Variants in PDPR observed in about 807,000 individuals in gnomAD.
PDPR encodes the protein pyruvate dehydrogenase phosphatase regulatory subunit, mitochondrial.
PDPR carries 50 observed loss-of-function variants against 102.2 expected under a neutral mutation model. The observed-to-expected ratio is 0.49, with a 90% CI of 0.39 to 0.62. The LOEUF is 0.62. PDPR is among the 20% of genes least tolerant of loss of function. The pLI is 0.00. For synonymous variants in PDPR, 259 were observed against 406.0 expected, an observed-to-expected ratio of 0.64 and a Z score of 4.35; for missense variants, 625 against 1,098.2, an observed-to-expected ratio of 0.57 and a Z score of 6.09.
Position 70,157,193 on chromosome 16 carries a change from G to C in PDPR, c.*314G>C, listed in dbSNP as rs959769634. 4 of 597,384 alleles carry C rather than the reference G, an allele frequency of 6.7e-6. No individual in the cohort carries two copies. Among genetic ancestry groups the C allele is most frequent in the East Asian group, 8.3e-5 (2 of 24,196 alleles). 37.0% of individuals were successfully genotyped at this position (597,384 alleles called of 1,614,324 possible). A position where few individuals can be genotyped will look rare whatever the true frequency, so the allele number is the denominator to read the frequency against. ...CTCCACTGTGGACATGAGTGATGGT[G>C]ACAGCTGCTTTCAAATTCTGCATCT... On this transcript the variant is annotated 3_prime_UTR_variant, in exon 19 of 19. Transcript: ENST00000288050.
At chr16:70,134,611 G>C (rs1964907237) in intron 9 of PDPR, among the ~76,000 whole-genome samples, 1 of 151,402 alleles carries the variant, frequency 6.6e-6, no homozygotes, top group South Asian at 2.1e-4. Context: ...TGGCCAACAT[G>C]GCAAAAACCC....
At chr16:70,134,027 C>T (rs1964839980) in intron 9 of PDPR, among the ~76,000 whole-genome samples, 1 of 152,202 alleles carries the variant, frequency 6.6e-6, no homozygotes, top group Non-Finnish European at 1.5e-5. Flanking sequence ...GCCACCATGC[C>T]CGGCCCCTGC....
chr16:70,123,010 C>G (rs1196884501), intron 3 of PDPR, among the ~76,000 whole-genome samples: 4 of 152,092 alleles, frequency 2.6e-5, no homozygotes, highest in African/African-American at 7.2e-5. Context: ...CAGTGATTCT[C>G]CTGCCCCAGG....
intron 3 of PDPR, among the ~76,000 whole-genome samples, chr16:70,123,958 G>C (rs376385619): frequency 3.3e-3 from 495 of 152,136 alleles, no homozygotes; most frequent in African/African-American, 0.011. Flanking sequence ...GGGAGGCTGA[G>C]GTAGGAAAAT....
intron 17 of PDPR, among the ~76,000 whole-genome samples, chr16:70,152,026 A>T (rs180752117): frequency 6.6e-6 from 1 of 152,404 alleles, no homozygotes; most frequent in East Asian, 1.9e-4. Flanking sequence ...TTCCTTGGTC[A>T]TCCTCTTACC....
At chr16:70,127,502 T>G in intron 4 of PDPR, 109 bp downstream of exon 4, 1 of 1,545,292 alleles carries the variant, frequency 6.5e-7, no homozygotes, top group South Asian at 1.3e-5. Flanking sequence ...AATTAAAACT[T>G]GGGTTGGCCG....
intron 18 of PDPR, among the ~76,000 whole-genome samples, chr16:70,154,776 A>G (rs1300887386): frequency 1.3e-5 from 2 of 152,226 alleles, no homozygotes; most frequent in African/African-American, 4.8e-5. Context: ...AGTGGCTGGG[A>G]CCACAGATGC....
chr16:70,156,384 A>G (rs1597387916), intron 18 of PDPR, 91 bp from the exon 19 acceptor site: 7 of 1,472,062 alleles, frequency 4.8e-6, no homozygotes, highest in East Asian at 4.6e-5. Flanking sequence ...GCCCCATTGC[A>G]GTGACACCAG....
rs566247442 is a variant in PDPR at position 70,157,378 on chromosome 16, C to G, written c.*499C>G. On this transcript the variant is annotated 3_prime_UTR_variant, in exon 19 of 19. Coordinates refer to ENST00000288050, the MANE Select transcript of PDPR (RefSeq NM_017990.5). ...GCCTGCAGCCCGGCAGCTCGTTCTC[C>G]TGTTCTGCTGTGCTGTGGGCTGGCA... 24 of 368,328 alleles carry G rather than the reference C, an allele frequency of 6.5e-5. 1 individual carries two copies. Among genetic ancestry groups the G allele is most frequent in the South Asian group, 4.9e-4 (24 of 49,026 alleles). 22.8% of individuals were successfully genotyped at this position (368,328 alleles called of 1,614,324 possible).
rs551812882 is a variant in PDPR at position 70,153,281 on chromosome 16, C to T, written c.2053-110C>T. The T allele has an allele frequency of 5.3e-5, 63 of 1,198,510 alleles. No individual in the cohort carries two copies. In the African/African-American group the frequency reaches 5.8e-4, roughly 11 times the overall value. 74.2% of individuals were successfully genotyped at this position (1,198,510 alleles called of 1,614,324 possible). On this transcript the variant is annotated intron_variant, in intron 17 of 18. Transcript: ENST00000288050. The stretch of plus-strand genomic sequence containing the variant: ...GATGAGACATCCTGGGAGTTTTATA[C>T]GCCTCCTCTCTTGTCCATGTTAATA...
At chr16:70,136,631 G>A (rs1225009891) in intron 10 of PDPR, among the ~76,000 whole-genome samples, 1 of 152,196 alleles carries the variant, frequency 6.6e-6, no homozygotes, top group African/African-American at 2.4e-5. Flanking sequence ...CACAGATCCT[G>A]TGGGATATTC....
In PDPR at chr16:70,157,265, C is replaced by G; in HGVS notation, c.*386C>G. The G allele has an allele frequency of 2.1e-6, 1 of 482,844 alleles. No homozygotes were observed. The highest frequency in any genetic ancestry group is 1.6e-5 in the South Asian group (1 of 63,394). The allele number at this position is 482,844 out of a possible 1,614,324, so 29.9% of individuals were successfully genotyped here. On this transcript the variant is annotated 3_prime_UTR_variant, in exon 19 of 19. Coordinates refer to ENST00000288050, the MANE Select transcript of PDPR (RefSeq NM_017990.5). ...GGTGCAGGTCTCAGGGCACGAGTCC[C>G]TCTCCCTTGGGTTCCATTTTCTTGG...
intron 3 of PDPR, among the ~76,000 whole-genome samples, chr16:70,121,062 C>G (rs1349608979): frequency 4.7e-5 from 7 of 149,974 alleles, no homozygotes; most frequent in Non-Finnish European, 1.5e-5. Context: ...AGTGCTGGGA[C>G]TACAGGCATG....
intron 13 of PDPR, 61 bp downstream of exon 13, chr16:70,142,747 T>C: frequency 1.2e-5 from 19 of 1,606,606 alleles, no homozygotes; most frequent in Non-Finnish European, 1.6e-5. Flanking sequence ...ATTGAATGCC[T>C]TTTGTTTTTC....
chr16:70,156,592 T>TG lies in PDPR; in HGVS notation c.2357dup (p.Glu787ArgfsTer36). 6.2e-7 allele frequency: 1 copy of TG among 1,614,064 alleles called. No individual in the cohort carries two copies. The highest frequency in any genetic ancestry group is 8.5e-7 in the Non-Finnish European group (1 of 1,179,904). On this transcript the variant is annotated frameshift_variant, in exon 19 of 19. Transcript: ENST00000288050. LOFTEE classifies it high-confidence loss of function. ...TTCAGACCTAGACCTTTGGCCTTGG[T>TG]GGGGAGAGCCCATTTACCGGAATGG...
chr16:70,154,769 G>A (rs552008223), intron 18 of PDPR, among the ~76,000 whole-genome samples: 219 of 152,238 alleles, frequency 1.4e-3, no homozygotes, highest in African/African-American at 4.7e-3. Flanking sequence ...CCTCCCAAGT[G>A]GCTGGGACCA....
In PDPR at chr16:70,156,992, C is replaced by T; in HGVS notation, c.*113C>T. The T allele has an allele frequency of 1.4e-6, 2 of 1,405,798 alleles. No individual in the cohort carries two copies. Among genetic ancestry groups the T allele is most frequent in the Non-Finnish European group, 2.0e-6 (2 of 1,017,978 alleles). The allele number at this position is 1,405,798 out of a possible 1,614,324, so 87.1% of individuals were successfully genotyped here. A position where few individuals can be genotyped will look rare whatever the true frequency, so the allele number is the denominator to read the frequency against. On this transcript the variant is annotated 3_prime_UTR_variant, in exon 19 of 19. Coordinates refer to ENST00000288050, the MANE Select transcript of PDPR (RefSeq NM_017990.5). ...CTCTTCTGGAGCCTTTGCCTCCCAT[C>T]TCTTATCTCCTTGATATAATTTTGA...
At chr16:70,138,207 A>ATTTTTTTTTTTTTTTT (rs1201065640) in intron 10 of PDPR, among the ~76,000 whole-genome samples, 60 of 94,024 alleles carry the variant, frequency 6.4e-4, no homozygotes, top group Non-Finnish European at 8.3e-4. Flanking sequence ...ACGCCGGCTA[A>ATTTTTTTTTTTTTTTT]TTTTTTTTTT....
At chr16:70,163,157 A>T (rs1192648406), downstream of PDPR, among the ~76,000 whole-genome samples, 1 of 152,276 alleles carries the variant, frequency 6.6e-6, no homozygotes, top group Non-Finnish European at 1.5e-5. Context: ...CAGGTTGGCC[A>T]GGCTGGTCTC....
Sources: allele counts gnomAD v4.1 joint callset (sites outside exome capture counted in the v4.1 genomes callset), GRCh38; gene constraint gnomAD v4.1.1; transcripts MANE v1.5; gene names NCBI Gene and HGNC (gene_info 2026-07-23, HGNC 2026-07-21).